Variants in STK33 observed in about 807,000 individuals in gnomAD.
STK33 encodes serine/threonine-protein kinase 33.
In STK33, 52 loss-of-function variants were observed where a neutral mutation model predicts 58.0. The observed-to-expected ratio is 0.90, with a 90% CI of 0.72 to 1.13. The LOEUF is 1.13. STK33 is among the 50% of genes most tolerant of loss of function. The pLI, the probability that STK33 is intolerant of heterozygous loss-of-function variation, is 0.00. For synonymous variants in STK33, 215 were observed against 200.1 expected (o/e 1.07, Z -0.63); for missense variants, 630 against 604.2 (o/e 1.04, Z -0.45).
At chr11:8,356,411 G>A in the STK33 span, among the ~76,000 whole-genome samples, 2 of 152,174 alleles carry the variant, frequency 1.3e-5, no homozygotes, top group African/African-American at 4.8e-5. Context: ...CTGGCTGACA[G>A]GGGACCCTGC....
chr11:8,468,428 C>T (rs1329874559), intron 6 of STK33, among the ~76,000 whole-genome samples: 2 of 152,198 alleles, frequency 1.3e-5, no homozygotes, highest in Non-Finnish European at 2.9e-5. Flanking sequence ...CTAATGCTTA[C>T]ATTCCCTTCT....
At chr11:8,492,481 C>T (rs927931789) in intron 1 of STK33, among the ~76,000 whole-genome samples, 19 of 152,100 alleles carry the variant, frequency 1.2e-4, no homozygotes, top group Non-Finnish European at 2.5e-4. Flanking sequence ...GACTTAGACT[C>T]CCACACAATA....
At chr11:8,425,810 C>T (rs1472511367) in intron 14 of STK33, among the ~76,000 whole-genome samples, 11 of 152,026 alleles carry the variant, frequency 7.2e-5, no homozygotes, top group Non-Finnish European at 1.6e-4. Flanking sequence ...GGGAAAAGTT[C>T]CCTCATCCCC....
intron 15 of STK33, among the ~76,000 whole-genome samples, chr11:8,404,541 T>G (rs1257971703): frequency 6.6e-6 from 1 of 152,242 alleles, no homozygotes; most frequent in Admixed American, 6.5e-5. Flanking sequence ...TACTCTTTTA[T>G]ATCTGAGTTA....
At chr11:8,480,281 A>G (rs950594633) in intron 2 of STK33, among the ~76,000 whole-genome samples, 129 bp downstream of exon 2, 2 of 152,116 alleles carry the variant, frequency 1.3e-5, no homozygotes, top group Non-Finnish European at 2.9e-5. Context: ...GCAATGGGGG[A>G]ATTTAAGCAC....
At chr11:8,530,422 AC>A (rs1417802727) in intron 1 of STK33, among the ~76,000 whole-genome samples, 1 of 152,028 alleles carries the variant, frequency 6.6e-6, no homozygotes, top group Non-Finnish European at 1.5e-5. Flanking sequence ...ATTTTCTTGT[AC>A]CAGTGGAGAA....
At chr11:8,497,886 C>G (rs1012494460) in intron 1 of STK33, among the ~76,000 whole-genome samples, 2 of 152,186 alleles carry the variant, frequency 1.3e-5, no homozygotes, top group Admixed American at 6.5e-5. Context: ...GATACCAAAA[C>G]CAGTCAAAGA....
chr11:8,553,406 T>C (rs1039472872), intron 1 of STK33, among the ~76,000 whole-genome samples: 1 of 151,692 alleles, frequency 6.6e-6, no homozygotes, highest in Non-Finnish European at 1.5e-5. Context: ...CAAAAACACC[T>C]GAGTGATGTG....
chr11:8,353,567 G>A, the STK33 span, among the ~76,000 whole-genome samples: 1 of 152,038 alleles, frequency 6.6e-6, no homozygotes. Context: ...GGACTCCAAG[G>A]CCACCTAGAC....
chr11:8,460,872 G>C (rs1947436959), intron 8 of STK33, among the ~76,000 whole-genome samples: 1 of 152,150 alleles, frequency 6.6e-6, no homozygotes, highest in Non-Finnish European at 1.5e-5. Flanking sequence ...GATAACTGTG[G>C]TCTTTAATTG....
At chr11:8,432,736 CAG>C (rs751196858) in intron 14 of STK33, among the ~76,000 whole-genome samples, 1 of 152,148 alleles carries the variant, frequency 6.6e-6, no homozygotes, top group Non-Finnish European at 1.5e-5. Context: ...TTACTTCAAA[CAG>C]GGGATATGAA....
chr11:8,547,714 T>G (rs1398804014), intron 1 of STK33, among the ~76,000 whole-genome samples: 1 of 152,192 alleles, frequency 6.6e-6, no homozygotes. Context: ...TGCAAAAGCT[T>G]TTTAACTTAA....
intron 1 of STK33, among the ~76,000 whole-genome samples, chr11:8,512,625 T>A (rs969352645): frequency 2.0e-5 from 3 of 152,162 alleles, no homozygotes; most frequent in Non-Finnish European, 2.9e-5. Flanking sequence ...AAGCTTATAT[T>A]TTTTATTTTT....
chr11:8,391,202 G>C, downstream of STK33, among the ~76,000 whole-genome samples: 1 of 152,304 alleles, frequency 6.6e-6, no homozygotes, highest in Non-Finnish European at 1.5e-5. Flanking sequence ...CTCAGGATAT[G>C]GTTTATGGGC....
In STK33 at chr11:8,473,525, T is replaced by C. The variant is rs76415604; in HGVS notation, c.226-249A>G. Among the ~76,000 whole-genome samples the C allele has an allele frequency of 8.0e-3, 1,214 of 152,312 alleles. 14 individuals are homozygous for C. Among genetic ancestry groups the C allele is most frequent in the African/African-American group, 0.028 (1,165 of 41,562 alleles). ...AGGAAAGTCTACATGATAACCAGCA[T>C]AGCAGATTCATCAAAGCTTACCTAG... On this transcript the variant is annotated intron_variant, in intron 5 of 15. Transcript: ENST00000687296.
intron 1 of STK33, among the ~76,000 whole-genome samples, chr11:8,559,808 G>A (rs924753132): frequency 2.0e-5 from 3 of 152,106 alleles, no homozygotes; most frequent in Non-Finnish European, 4.4e-5. Context: ...CATTTCCAAT[G>A]GTTCTGTGTA....
intron 1 of STK33, among the ~76,000 whole-genome samples, chr11:8,575,588 C>T (rs1958123688): frequency 6.6e-6 from 1 of 151,962 alleles, no homozygotes; most frequent in Admixed American, 6.6e-5. Context: ...TTATCAGGGG[C>T]TGGGGGAAGA....
At chr11:8,356,760 G>A in the STK33 span, among the ~76,000 whole-genome samples, 1 of 152,176 alleles carries the variant, frequency 6.6e-6, no homozygotes, top group South Asian at 2.1e-4. Context: ...GGGAAACAGG[G>A]ACACCAGCTG....
At chr11:8,500,194 C>T (rs1023077965) in intron 1 of STK33, among the ~76,000 whole-genome samples, 5 of 152,032 alleles carry the variant, frequency 3.3e-5, no homozygotes. Context: ...GGAGGTCCTA[C>T]ACTACAGCAC....
Sources: allele counts gnomAD v4.1 joint callset (sites outside exome capture counted in the v4.1 genomes callset), GRCh38; gene constraint gnomAD v4.1.1; transcripts MANE v1.5; gene names NCBI Gene and HGNC (gene_info 2026-07-23, HGNC 2026-07-21).